The following PRRG4 variants were observed in gnomAD, a reference collection of about 807,000 sequenced individuals.
PRRG4 encodes proline rich and Gla domain 4.
A neutral mutation model predicts 20.0 loss-of-function variants in PRRG4; 12 were observed. The observed-to-expected ratio is 0.60, with a 90% CI of 0.38 to 0.97. The LOEUF is 0.97. Ranked by LOEUF, PRRG4 falls within the 50% of genes least tolerant of loss-of-function variation. The pLI is 0.00. For missense variants in PRRG4, 199 were observed against 265.1 expected, an observed-to-expected ratio of 0.75 and a Z score of 1.73; for synonymous variants, 94 against 96.4, an observed-to-expected ratio of 0.98 and a Z score of 0.15.
chr11:32,840,339 C>A lies in PRRG4; in HGVS notation c.449+100C>A. ...TGGCTGCCTATTTTCTTAAATAAGC[C>A]TTTTATTTTGGAAGAATTTTAGATG... On this transcript the variant is annotated intron_variant, in intron 5 of 5. Coordinates refer to ENST00000257836, the MANE Select transcript of PRRG4 (RefSeq NM_024081.6). This position sits in a 1 kb window ranked among gnomAD's most constrained non-coding sequence, Gnocchi z 4.1. The A allele has an allele frequency of 1.1e-6, 1 of 903,738 alleles. No individual in the cohort carries two copies. Among genetic ancestry groups the A allele is most frequent in the Non-Finnish European group, 1.7e-6 (1 of 595,288 alleles). 56.0% of individuals were successfully genotyped at this position (903,738 alleles called of 1,614,324 possible).
intron 2 of PRRG4, among the ~76,000 whole-genome samples, chr11:32,831,968 G>A (rs1197950076): frequency 2.6e-5 from 4 of 152,044 alleles, no homozygotes; most frequent in South Asian, 2.1e-4. Flanking sequence ...CAGCCTGGGC[G>A]ACAGAGTGAG....
intron 5 of PRRG4, among the ~76,000 whole-genome samples, chr11:32,844,172 G>A (rs1011302954): frequency 6.6e-6 from 1 of 152,082 alleles, no homozygotes; most frequent in African/African-American, 2.4e-5. Flanking sequence ...ACCCTGGTAC[G>A]CCACTAACTA....
chr11:32,850,392 C>T (rs1177218703), intron 5 of PRRG4, among the ~76,000 whole-genome samples: 2 of 152,052 alleles, frequency 1.3e-5, no homozygotes, highest in African/African-American at 4.8e-5. Flanking sequence ...ACATGTCTTC[C>T]GGGTGTGTTA....
intron 5 of PRRG4, among the ~76,000 whole-genome samples, chr11:32,852,179 T>C (rs746323446): frequency 6.6e-6 from 1 of 152,052 alleles, no homozygotes; most frequent in Non-Finnish European, 1.5e-5. Context: ...ACGATACTAG[T>C]GAAAGCACAG....
At position 32,855,843 on chromosome 11, in the gene PRRG4, G is replaced by A. The variant is rs924458178; in HGVS notation, c.*2316G>A. Reference sequence around the variant, plus strand: ...TTTAATCCTCTTTAAAGGGCTACAGGCAAATTCTACTTTGCCATAATCACA... The same window carrying A: ...TTTAATCCTCTTTAAAGGGCTACAGACAAATTCTACTTTGCCATAATCACA... On this transcript the variant is annotated 3_prime_UTR_variant, in exon 6 of 6. Transcript: ENST00000257836. The A allele has an allele frequency of 2.0e-5, 3 of 152,112 alleles. No homozygotes were observed. The highest frequency in any genetic ancestry group is 7.2e-5 in the African/African-American group (3 of 41,410). 9.4% of individuals were successfully genotyped at this position (152,112 alleles called of 1,614,324 possible). A position where few individuals can be genotyped will look rare whatever the true frequency, so the allele number is the denominator to read the frequency against.
rs138138393 is a variant in PRRG4 at position 32,847,478 on chromosome 11, T to C, written c.450-5818T>C. Reference sequence around the variant, plus strand: ...TCCAGCTATTCTAGAATAGCTGGAATAATAATTTTTAAAATAACAAGTATT... The same window carrying C: ...TCCAGCTATTCTAGAATAGCTGGAACAATAATTTTTAAAATAACAAGTATT... On this transcript the variant is annotated intron_variant, in intron 5 of 5. Coordinates refer to ENST00000257836, the MANE Select transcript of PRRG4 (RefSeq NM_024081.6). Among the ~76,000 whole-genome samples, 899 of 152,292 alleles carry C rather than the reference T, an allele frequency of 5.9e-3. 12 individuals are homozygous for C. Among genetic ancestry groups the C allele is most frequent in the African/African-American group, 0.019 (797 of 41,552 alleles).
At chr11:32,836,211 T>TAAATTATAA (rs1265184697) in intron 2 of PRRG4, among the ~76,000 whole-genome samples, 1 of 152,156 alleles carries the variant, frequency 6.6e-6, no homozygotes, top group African/African-American at 2.4e-5. Context: ...AAGTGACTTA[T>TAAATTATAA]CTCAGAATAC....
At chr11:32,848,606 A>T (rs913692152) in intron 5 of PRRG4, among the ~76,000 whole-genome samples, 2 of 151,376 alleles carry the variant, frequency 1.3e-5, no homozygotes, top group East Asian at 3.9e-4. Flanking sequence ...TAATATGTGT[A>T]TATGTATACA....
chr11:32,853,509 G>A lies in PRRG4; in HGVS notation c.663G>A (p.Met221Ile), dbSNP rs1466025322. 6.2e-7 allele frequency: 1 copy of A among 1,613,026 alleles called. No homozygotes were observed. The highest frequency in any genetic ancestry group is 1.1e-5 in the South Asian group (1 of 91,064). Reference protein sequence around the residue: ...TKGFRVFKKSMSLPSH With the variant: ...TKGFRVFKKSISLPSH Reference sequence around the variant, plus strand: ...GATTTAGGGTATTTAAAAAATCTATGTCTCTCCCATCTCACTGACTACCTT... The same window carrying A: ...GATTTAGGGTATTTAAAAAATCTATATCTCTCCCATCTCACTGACTACCTT... Residue 221 changes from methionine (M) to isoleucine (I), a missense_variant, in exon 6 of 6, where the codon ATG (methionine) becomes ATA (isoleucine). Transcript: ENST00000257836.
intron 5 of PRRG4, among the ~76,000 whole-genome samples, chr11:32,844,482 T>C (rs1851108964): frequency 1.1e-5 from 1 of 87,292 alleles, no homozygotes; most frequent in Admixed American, 1.2e-4. Context: ...ATTATTATTA[T>C]TATTATTATT....
At chr11:32,835,531 T>C (rs1851012425) in intron 2 of PRRG4, among the ~76,000 whole-genome samples, 1 of 152,226 alleles carries the variant, frequency 6.6e-6, no homozygotes, top group Non-Finnish European at 1.5e-5. Flanking sequence ...GTTTTGAAAA[T>C]ACTACCATGG....
At chr11:32,837,213 G>A (rs1006343420) in intron 3 of PRRG4, among the ~76,000 whole-genome samples, 7 of 152,100 alleles carry the variant, frequency 4.6e-5, no homozygotes, top group Non-Finnish European at 8.8e-5. Context: ...ATTTATGACT[G>A]AGTAATTTGT....
chr11:32,853,431 G>T lies in PRRG4; in HGVS notation c.585G>T (p.Leu195=). ...GLPSYEQAVA[L]TRKHSVSPPP... ...CTTCTTATGAACAGGCAGTGGCGCT[G>T]ACCAGAAAACACAGTGTTTCACCAC... is the stretch of plus-strand genomic sequence containing the variant. The change falls in exon 6 of 6, where the codon CTG becomes CTT. Residue 195 remains leucine, a synonymous_variant. Transcript: ENST00000257836. The T allele has an allele frequency of 6.2e-7, 1 of 1,614,086 alleles. No homozygotes were observed.
At chr11:32,852,188 A>G (rs1405091866) in intron 5 of PRRG4, among the ~76,000 whole-genome samples, 1 of 152,244 alleles carries the variant, frequency 6.6e-6, no homozygotes, top group Non-Finnish European at 1.5e-5. Flanking sequence ...GTGAAAGCAC[A>G]GAGAAGGGCT....
intron 5 of PRRG4, among the ~76,000 whole-genome samples, chr11:32,848,433 T>C (rs1851150102): frequency 6.6e-6 from 1 of 152,110 alleles, no homozygotes; most frequent in African/African-American, 2.4e-5. Flanking sequence ...TTGTTTCTTA[T>C]GTACAGAGTT....
chr11:32,831,397 G>C (rs553533890), intron 2 of PRRG4, among the ~76,000 whole-genome samples: 1 of 152,120 alleles, frequency 6.6e-6, no homozygotes, highest in Non-Finnish European at 1.5e-5. Context: ...CATCAGATCC[G>C]ATTCTCAGCT....
chr11:32,852,158 G>A (rs1851188694), intron 5 of PRRG4, among the ~76,000 whole-genome samples: 1 of 152,116 alleles, frequency 6.6e-6, no homozygotes, highest in African/African-American at 2.4e-5. Context: ...GATGATATTT[G>A]GAGAAAGGGA....
chr11:32,838,679 C>T (rs1655116948), intron 3 of PRRG4, among the ~76,000 whole-genome samples: 1 of 152,044 alleles, frequency 6.6e-6, no homozygotes, highest in South Asian at 2.1e-4. Flanking sequence ...GCAGTAATCC[C>T]TTGACAATTA....
intron 2 of PRRG4, among the ~76,000 whole-genome samples, chr11:32,832,479 C>CTTTTTTT (rs555430349): frequency 2.5e-5 from 3 of 121,268 alleles, no homozygotes; most frequent in Non-Finnish European, 3.3e-5. Flanking sequence ...TGGTGAAATT[C>CTTTTTTT]TTTTTTTTTT....
Sources: gnomAD v4.1 joint callset for allele counts (sites outside exome capture counted in the v4.1 genomes callset) on GRCh38, gnomAD v4.1.1 for gene constraint, Gnocchi (gnomAD v3.1) non-coding constraint, MANE v1.5 for transcripts, NCBI Gene and HGNC (gene_info 2026-07-23, HGNC 2026-07-21) for gene names.